Variants in SGCD observed in about 807,000 individuals in gnomAD.
SGCD encodes sarcoglycan delta, also known as delta-sarcoglycan.
SGCD carries 18 observed loss-of-function variants against 36.6 expected under a neutral mutation model. The observed-to-expected ratio is 0.49, with a 90% confidence interval of 0.34 to 0.73. The LOEUF (loss-of-function observed/expected upper bound fraction) is 0.73, where lower values mean the gene tolerates loss of function less well. Among genes scored for constraint, SGCD ranks in the 30% least tolerant of loss-of-function variants. SGCD has a pLI of 0.01. For synonymous variants in SGCD, 133 were observed against 130.6 expected, an observed-to-expected ratio of 1.02 and a Z score of -0.12; for missense variants, 387 against 346.7, an observed-to-expected ratio of 1.12 and a Z score of -0.92.
At chr5:155,814,334 G>C in the SGCD span, among the ~76,000 whole-genome samples, 1 of 152,254 alleles carries the variant, frequency 6.6e-6, no homozygotes, top group East Asian at 1.9e-4. Flanking sequence ...ATTTTAAACT[G>C]TCACTTCTCT....
At chr5:156,620,389 T>G (rs1398244885) in intron 6 of SGCD, among the ~76,000 whole-genome samples, 1 of 152,022 alleles carries the variant, frequency 6.6e-6, no homozygotes, top group Non-Finnish European at 1.5e-5. Flanking sequence ...AGTTCTCAAA[T>G]AAGTTATATT....
chr5:155,933,833 A>G (rs1413487013), intron 1 of SGCD, among the ~76,000 whole-genome samples: 1 of 152,256 alleles, frequency 6.6e-6, no homozygotes, highest in Non-Finnish European at 1.5e-5. Context: ...TTATTTTATC[A>G]GTCATCCCTA....
chr5:156,703,030 A>G lies in SGCD; in HGVS notation c.576-54551A>G, dbSNP rs578152821. Among the ~76,000 whole-genome samples the G allele has an allele frequency of 4.6e-5, 7 of 152,280 alleles. No individual in the cohort carries two copies. The East Asian group carries it at 9.6e-4, about 21-fold the overall frequency. On this transcript the variant is annotated intron_variant, in intron 7 of 8. Coordinates refer to ENST00000337851, the MANE Select transcript of SGCD (RefSeq NM_000337.6). Reference sequence around the variant, plus strand: ...TAAGCCACTGCATTTTTAGGCATCCATCTGGGCACATTTGTGTTTACCCCC... The same window carrying G: ...TAAGCCACTGCATTTTTAGGCATCCGTCTGGGCACATTTGTGTTTACCCCC...
chr5:156,376,243 A>C (rs927367545), intron 3 of SGCD, among the ~76,000 whole-genome samples: 1 of 152,238 alleles, frequency 6.6e-6, no homozygotes, highest in African/African-American at 2.4e-5. Flanking sequence ...GGGTGTTAAC[A>C]TCCACACAGC....
chr5:155,857,130 G>A, the SGCD span, among the ~76,000 whole-genome samples: 2 of 152,168 alleles, frequency 1.3e-5, no homozygotes, highest in Non-Finnish European at 2.9e-5. Context: ...CCAGCTACTT[G>A]GAAGGCTGAG....
At chr5:156,106,127 A>C (rs887393926) in intron 1 of SGCD, among the ~76,000 whole-genome samples, 1 of 150,616 alleles carries the variant, frequency 6.6e-6, no homozygotes, top group Non-Finnish European at 1.5e-5. Context: ...AAAAAAAAAA[A>C]AAAAAAAAAA....
At position 156,189,527 on chromosome 5, in the gene SGCD, T is replaced by C. The variant is rs534955614; in HGVS notation, c.-44+65508T>C. Among the ~76,000 whole-genome samples, 5 of 152,266 alleles carry C rather than the reference T, an allele frequency of 3.3e-5. No individual in the cohort carries two copies. In the South Asian group the frequency reaches 8.3e-4, roughly 25 times the overall value. On this transcript the variant is annotated intron_variant, in intron 3 of 9. Transcript: ENST00000517913. ...AAGATCATTTAATTAAGATAATCTCTTTTGTAAAAAGCGATAAAGGGAGAG... is the reference window on the plus strand; with the variant it reads ...AAGATCATTTAATTAAGATAATCTCCTTTGTAAAAAGCGATAAAGGGAGAG...
At chr5:156,603,437 T>A (rs1761282609) in intron 6 of SGCD, among the ~76,000 whole-genome samples, 1 of 152,080 alleles carries the variant, frequency 6.6e-6, no homozygotes, top group Non-Finnish European at 1.5e-5. Context: ...ACTCGATCTT[T>A]ATTATTTACT....
chr5:156,469,159 C>G (rs1754848010), intron 3 of SGCD, among the ~76,000 whole-genome samples: 2 of 152,204 alleles, frequency 1.3e-5, no homozygotes, highest in Admixed American at 1.3e-4. Context: ...TATAAATCCT[C>G]TAGAAACTCT....
At chr5:156,449,597 G>A (rs1235196509) in intron 3 of SGCD, among the ~76,000 whole-genome samples, 2 of 149,680 alleles carry the variant, frequency 1.3e-5, no homozygotes, top group Admixed American at 6.7e-5. Flanking sequence ...TTTGGGTGGC[G>A]GAAACGGGTG....
chr5:155,992,354 C>A (rs941281165), intron 1 of SGCD, among the ~76,000 whole-genome samples: 4 of 152,126 alleles, frequency 2.6e-5, no homozygotes, highest in African/African-American at 9.7e-5. Flanking sequence ...ACTAGCGCTG[C>A]CTCGGGTGTG....
intron 6 of SGCD, among the ~76,000 whole-genome samples, chr5:156,620,354 C>T (rs536174814): frequency 2.0e-5 from 3 of 152,300 alleles, no homozygotes; most frequent in South Asian, 4.1e-4. Flanking sequence ...GATGTAAGGA[C>T]GTAGAACAAA....
At chr5:155,764,654 G>A in the SGCD span, among the ~76,000 whole-genome samples, 10 of 152,130 alleles carry the variant, frequency 6.6e-5, no homozygotes, top group African/African-American at 2.2e-4. Context: ...GCCAGAGGGG[G>A]TCACAAGACC....
At chr5:156,725,019 G>A (rs1374934834) in intron 7 of SGCD, among the ~76,000 whole-genome samples, 1 of 152,210 alleles carries the variant, frequency 6.6e-6, no homozygotes, top group African/African-American at 2.4e-5. Context: ...CACAGCATCA[G>A]AAATGGAATC....
chr5:156,206,727 T>C lies in SGCD; in HGVS notation c.-44+82708T>C, dbSNP rs146547469. On this transcript the variant is annotated intron_variant, in intron 3 of 9. Transcript: ENST00000517913. ...ATACTATAAGTTTGGCAGTGAATAA[T>C]TTTTTTTTTCATTCAAGGAAGGGCT... 2.3e-3 allele frequency among the ~76,000 whole-genome samples: 349 copies of C among 150,266 alleles called. 2 individuals are homozygous for C. Among genetic ancestry groups the C allele is most frequent in the African/African-American group, 7.1e-3 (290 of 41,112 alleles).
the SGCD span, among the ~76,000 whole-genome samples, chr5:155,781,398 C>A: frequency 1.3e-5 from 2 of 152,174 alleles, no homozygotes; most frequent in Non-Finnish European, 2.9e-5. Context: ...AGACGGAAAT[C>A]TTTGGTATGA....
the SGCD span, among the ~76,000 whole-genome samples, chr5:155,738,721 A>AGT: frequency 1.4e-5 from 2 of 147,588 alleles, no homozygotes; most frequent in African/African-American, 5.1e-5. Context: ...AGTGTGAGAG[A>AGT]GTGTGTGTGA....
intron 3 of SGCD, among the ~76,000 whole-genome samples, chr5:156,429,265 CTTT>C (rs3074973): frequency 4.8e-5 from 6 of 123,780 alleles, no homozygotes; most frequent in African/African-American, 1.7e-4. Flanking sequence ...CCCTCATTGT[CTTT>C]TTTTTTTTTT....
intron 1 of SGCD, among the ~76,000 whole-genome samples, chr5:155,998,980 A>G (rs1758611276): frequency 6.6e-6 from 1 of 152,204 alleles, no homozygotes; most frequent in South Asian, 2.1e-4. Context: ...GCTCCAGGGA[A>G]ACCCAAATCA....
Sources: allele counts gnomAD v4.1 joint callset (sites outside exome capture counted in the v4.1 genomes callset), GRCh38; gene constraint gnomAD v4.1.1; transcripts MANE v1.5; gene names NCBI Gene and HGNC (gene_info 2026-07-23, HGNC 2026-07-21).